The following CEMIP2 variants were observed in gnomAD, a reference collection of about 807,000 sequenced individuals.
The protein encoded by CEMIP2 is cell surface hyaluronidase CEMIP2.
In CEMIP2, 79 loss-of-function variants were observed where a neutral mutation model predicts 146.9. The observed-to-expected ratio is 0.54, with a 90% CI of 0.45 to 0.65. The LOEUF (loss-of-function observed/expected upper bound fraction) is 0.65, where lower values mean the gene tolerates loss of function less well. CEMIP2 is among the 30% of genes least tolerant of loss of function. The probability of loss-of-function intolerance (pLI) is 0.00; values close to 1 mark genes in which losing one functional copy is unlikely to be tolerated. For synonymous variants in CEMIP2, 601 were observed against 606.3 expected (o/e 0.99, Z 0.13); for missense variants, 1,596 against 1,696.2 (o/e 0.94, Z 1.04).
chr9:71,746,060 T>C (rs1824077286), intron 3 of CEMIP2, 141 bp downstream of exon 3: 1 of 952,878 alleles, frequency 1.0e-6, no homozygotes. Context: ...TCTCATGATC[T>C]TTCCAAATCT....
At chr9:71,759,266 A>G (rs2132039262) in intron 1 of CEMIP2, among the ~76,000 whole-genome samples, 1 of 152,326 alleles carries the variant, frequency 6.6e-6, no homozygotes, top group Non-Finnish European at 1.5e-5. Flanking sequence ...TCAGACTTCT[A>G]GATTCACACC....
At chr9:71,741,575 G>A (rs7044433) in intron 4 of CEMIP2, among the ~76,000 whole-genome samples, 19,778 of 144,904 alleles carry the variant, frequency 0.14, 1,418 homozygotes, top group Admixed American at 0.17. Flanking sequence ...TATACTATAT[G>A]TCTATTTGTT....
At chr9:71,698,365 C>G (rs1453163042) in intron 19 of CEMIP2, 161 bp from the exon 20 acceptor site, 6 of 632,736 alleles carry the variant, frequency 9.5e-6, no homozygotes, top group Non-Finnish European at 1.6e-5. Context: ...TTCTTTCTAT[C>G]CTTCAAGGGT....
intron 1 of CEMIP2, among the ~76,000 whole-genome samples, chr9:71,760,600 A>ACGG (rs1253353748): frequency 1.4e-5 from 2 of 145,980 alleles, no homozygotes; most frequent in Admixed American, 6.7e-5. Context: ...TGAGGCTGAT[A>ACGG]CGGCCAAAAG....
At chr9:71,728,280 T>TATATATATAC (rs1491467360) in intron 10 of CEMIP2, among the ~76,000 whole-genome samples, 1,059 of 12,592 alleles carry the variant, frequency 0.084, 275 homozygotes, top group East Asian at 0.17. Flanking sequence ...TATATATATA[T>TATATATATAC]GTATATATAT....
In CEMIP2 at chr9:71,732,538, G is replaced by T; in HGVS notation, c.1394-18C>A. The T allele has an allele frequency of 1.3e-6, 2 of 1,559,580 alleles. No homozygotes were observed. Among genetic ancestry groups the T allele is most frequent in the Non-Finnish European group, 1.7e-6 (2 of 1,160,756 alleles). On this transcript the variant is annotated intron_variant, in intron 6 of 23. Coordinates refer to ENST00000377044, the MANE Select transcript of CEMIP2 (RefSeq NM_013390.3). ...AGGGGTTTCTGGTTGATATGAGCAA[G>T]GAAAAAAAAGAATATTAGAACAAAG...
In CEMIP2 at chr9:71,728,280, T is replaced by TATATATATATAC. The variant is rs1491467360; in HGVS notation, c.2049+1564_2049+1565insGTATATATATAT. Among the ~76,000 whole-genome samples the TATATATATATAC allele has an allele frequency of 5.5e-4, 7 of 12,650 alleles. 1 individual carries two copies. The highest frequency in any genetic ancestry group is 1.3e-3 in the African/African-American group (6 of 4,546). 8.3% of individuals were successfully genotyped at this position (12,650 alleles called of 152,430 possible). A position where few individuals can be genotyped will look rare whatever the true frequency, so the allele number is the denominator to read the frequency against. On this transcript the variant is annotated intron_variant, in intron 10 of 23. Transcript: ENST00000377044. Reference sequence around the variant, plus strand: ...ATACACGTATATATATATATATATATGTATATATATATATATATATACATA... The same window carrying TATATATATATAC: ...ATACACGTATATATATATATATATATATATATATATACGTATATATATATATATATATACATA...
chr9:71,728,296 TATATAC>T (rs1363116947), intron 10 of CEMIP2, among the ~76,000 whole-genome samples: 404 of 33,852 alleles, frequency 0.012, 77 homozygotes, highest in African/African-American at 0.035. Flanking sequence ...TATATATATA[TATATAC>T]ATATATATAT....
At chr9:71,757,773 G>T (rs1450723314) in intron 1 of CEMIP2, among the ~76,000 whole-genome samples, 1 of 152,190 alleles carries the variant, frequency 6.6e-6, no homozygotes, top group Admixed American at 6.5e-5. Flanking sequence ...TTGAGGGGAA[G>T]CAGGGTTAGG....
At chr9:71,715,116 T>A (rs1217295540) in intron 14 of CEMIP2, 27 bp from the exon 15 acceptor site, 1 of 1,606,896 alleles carries the variant, frequency 6.2e-7, no homozygotes. Flanking sequence ...AATCATTAGC[T>A]ACATTTCTCC....
At chr9:71,735,624 C>CA (rs148007796) in intron 5 of CEMIP2, among the ~76,000 whole-genome samples, 10,773 of 151,864 alleles carry the variant, frequency 0.071, 542 homozygotes, top group South Asian at 0.19. Context: ...CCTGTCCCTA[C>CA]AAAAAAACAT....
At chr9:71,730,019 A>T (rs775005324) in intron 9 of CEMIP2, 29 bp downstream of exon 9, 151 of 1,613,792 alleles carry the variant, frequency 9.4e-5, no homozygotes, top group Non-Finnish European at 1.2e-4. Context: ...GCCCTGACTC[A>T]TGGGTTTTTC....
At chr9:71,728,302 C>CACGTATATATATATATAT (rs1554684804) in intron 10 of CEMIP2, among the ~76,000 whole-genome samples, 1 of 11,584 alleles carries the variant, frequency 8.6e-5, no homozygotes, top group Non-Finnish European at 1.5e-4. Flanking sequence ...TATATATATA[C>CACGTATATATATATATAT]ATATATATAT....
chr9:71,728,281 G>GTATATA lies in CEMIP2; in HGVS notation c.2049+1558_2049+1563dup, dbSNP rs1228923367. 6.7e-3 allele frequency among the ~76,000 whole-genome samples: 62 copies of GTATATA among 9,226 alleles called. 7 individuals carry two copies. Among genetic ancestry groups the GTATATA allele is most frequent in the Non-Finnish European group, 8.4e-3 (47 of 5,592 alleles). 6.1% of individuals were successfully genotyped at this position (9,226 alleles called of 152,430 possible). A position where few individuals can be genotyped will look rare whatever the true frequency, so the allele number is the denominator to read the frequency against. ...TACACGTATATATATATATATATAT[G>GTATATA]TATATATATATATATATATACATAT... On this transcript the variant is annotated intron_variant, in intron 10 of 23. Transcript: ENST00000377044.
At chr9:71,729,507 T>A (rs1193771415) in intron 10 of CEMIP2, among the ~76,000 whole-genome samples, 1 of 151,746 alleles carries the variant, frequency 6.6e-6, no homozygotes, top group Non-Finnish European at 1.5e-5. Context: ...TGGTCCCAGC[T>A]ACTCAGGAGG....
intron 4 of CEMIP2, among the ~76,000 whole-genome samples, chr9:71,743,528 C>G (rs1823985621): frequency 6.6e-6 from 1 of 152,202 alleles, no homozygotes; most frequent in Non-Finnish European, 1.5e-5. Flanking sequence ...AGCACGCTCC[C>G]GAACTTCTTT....
At chr9:71,685,716 A>G in intron 23 of CEMIP2, 27 bp downstream of exon 23, 1 of 1,582,512 alleles carries the variant, frequency 6.3e-7, no homozygotes, top group South Asian at 1.1e-5. Context: ...CCCTGTAAGA[A>G]CTTCATGAAA....
intron 12 of CEMIP2, among the ~76,000 whole-genome samples, chr9:71,718,710 G>A (rs900131482): frequency 4.6e-5 from 7 of 151,922 alleles, no homozygotes; most frequent in Admixed American, 6.6e-5. Flanking sequence ...CTGAGTAGCT[G>A]GGATTACAGG....
intron 12 of CEMIP2, among the ~76,000 whole-genome samples, chr9:71,722,204 T>C (rs554753676): frequency 6.6e-6 from 1 of 152,278 alleles, no homozygotes; most frequent in Admixed American, 6.5e-5. Flanking sequence ...TTTATAGCAA[T>C]GAAAAAGGAG....
Sources: allele counts gnomAD v4.1 joint callset (sites outside exome capture counted in the v4.1 genomes callset), GRCh38; gene constraint gnomAD v4.1.1; transcripts MANE v1.5; gene names NCBI Gene and HGNC (gene_info 2026-07-23, HGNC 2026-07-21).